The following PTPRO variants were observed in gnomAD, a reference collection of about 807,000 sequenced individuals.
PTPRO encodes the protein protein tyrosine phosphatase receptor type O, also known as receptor-type tyrosine-protein phosphatase O.
In PTPRO, 62 loss-of-function variants were observed where a neutral mutation model predicts 145.2. The ratio of observed to expected loss-of-function variants is 0.43; its 90% CI spans 0.35 to 0.53. PTPRO has a LOEUF of 0.53. Among genes scored for constraint, PTPRO ranks in the 20% least tolerant of loss-of-function variants. PTPRO has a pLI of 0.01. For synonymous variants in PTPRO, 565 were observed against 514.7 expected (o/e 1.10, Z -1.32); for missense variants, 1,345 against 1,482.7 (o/e 0.91, Z 1.53).
intron 16 of PTPRO, among the ~76,000 whole-genome samples, chr12:15,557,889 C>G (rs759091108): frequency 1.3e-5 from 2 of 152,132 alleles, no homozygotes; most frequent in South Asian, 2.1e-4. Flanking sequence ...TGCGACAGAT[C>G]GGCTTCTCCA....
At chr12:15,368,119 A>C (rs1938418561) in intron 1 of PTPRO, among the ~76,000 whole-genome samples, 1 of 151,896 alleles carries the variant, frequency 6.6e-6, no homozygotes, top group Admixed American at 6.6e-5. Context: ...CAGGGTCTGG[A>C]CTCCTCCGTG....
chr12:15,484,207 T>A lies in PTPRO; in HGVS notation c.309T>A (p.Asn103Lys), dbSNP rs770172269. The A allele has an allele frequency of 1.9e-6, 3 of 1,613,512 alleles. No homozygotes were observed. Among genetic ancestry groups the A allele is most frequent in the Non-Finnish European group, 8.5e-7 (1 of 1,179,640 alleles). Residue 103 changes from asparagine to lysine, a missense_variant, in exon 2 of 27, where the codon AAT becomes AAA. By Grantham distance (94) the Asn-to-Lys change is moderately conservative. Around this residue, in one of 3 missense-constraint regions of PTPRO, gnomAD observed 1,130 missense variants for 1,214.7 expected, o/e 0.93. Transcript: ENST00000281171. Reference sequence around the variant, plus strand: ...TCACTCTGGTAGTGGTAAATGGAAATGTGGTGACCAAGCCATCCAGATCAA... The same window carrying A: ...TCACTCTGGTAGTGGTAAATGGAAAAGTGGTGACCAAGCCATCCAGATCAA... ...YIITLVVVNG[N>K]VVTKPSRSIT...
Position 15,544,532 on chromosome 12 carries a change from A to G in PTPRO, c.2165-2037A>G, listed in dbSNP as rs145594993. ...AAAAAAAAAAAAAAAAAAAAAGATT[A>G]AAGGAAAAGGTAACGAGTTTTTAAA... is the stretch of plus-strand genomic sequence containing the variant. On this transcript the variant is annotated intron_variant, in intron 12 of 26. Transcript: ENST00000281171. Among the ~76,000 whole-genome samples, 202 of 148,128 alleles carry G rather than the reference A, an allele frequency of 1.4e-3. 1 individual carries two copies. In the East Asian group the frequency reaches 0.039, roughly 28 times the overall value.
intron 2 of PTPRO, among the ~76,000 whole-genome samples, chr12:15,485,645 T>G (rs887716172): frequency 6.6e-6 from 1 of 152,098 alleles, no homozygotes; most frequent in Admixed American, 6.6e-5. Flanking sequence ...TGATCCAACA[T>G]TTATGAGCAT....
intron 21 of PTPRO, 96 bp from the exon 22 acceptor site, chr12:15,580,601 C>T (rs1382979788): frequency 6.7e-7 from 1 of 1,488,168 alleles, no homozygotes; most frequent in African/African-American, 1.4e-5. Flanking sequence ...CCAATTTTAT[C>T]ACCAGTAAGT....
intron 10 of PTPRO, among the ~76,000 whole-genome samples, chr12:15,524,151 C>T (rs1392036431): frequency 2.0e-5 from 2 of 98,910 alleles, no homozygotes; most frequent in Non-Finnish European, 3.9e-5. Flanking sequence ...AATTTAGCTT[C>T]GTGGCTAAAA....
intron 1 of PTPRO, among the ~76,000 whole-genome samples, chr12:15,446,867 A>G (rs1030723040): frequency 4.6e-5 from 7 of 152,108 alleles, no homozygotes; most frequent in African/African-American, 1.7e-4. Context: ...GGAAAAGTCT[A>G]TTTTCAGTAG....
intron 19 of PTPRO, among the ~76,000 whole-genome samples, chr12:15,571,815 T>C (rs147525126): frequency 2.0e-5 from 3 of 152,052 alleles, no homozygotes; most frequent in Non-Finnish European, 4.4e-5. Flanking sequence ...TGGGCTCAAG[T>C]AGCAAAACCT....
chr12:15,401,426 C>T (rs1387468054), intron 1 of PTPRO, among the ~76,000 whole-genome samples: 5 of 152,146 alleles, frequency 3.3e-5, no homozygotes, highest in African/African-American at 1.2e-4. Flanking sequence ...TAACAATGAA[C>T]AGTAGTTGTG....
At chr12:15,476,763 C>T (rs1040490938) in intron 1 of PTPRO, among the ~76,000 whole-genome samples, 3 of 151,740 alleles carry the variant, frequency 2.0e-5, no homozygotes, top group South Asian at 2.1e-4. Flanking sequence ...CTCATCATCA[C>T]TGGCCATCAG....
intron 1 of PTPRO, among the ~76,000 whole-genome samples, chr12:15,424,276 A>T (rs962539602): frequency 6.6e-6 from 1 of 152,142 alleles, no homozygotes; most frequent in Non-Finnish European, 1.5e-5. Context: ...TTTCCACTGG[A>T]GTAAAAAGAT....
At chr12:15,452,021 C>G (rs1290046536) in intron 1 of PTPRO, among the ~76,000 whole-genome samples, 1 of 151,436 alleles carries the variant, frequency 6.6e-6, no homozygotes, top group Non-Finnish European at 1.5e-5. Context: ...GAAGTTGAAA[C>G]AAAAAAGCAT....
chr12:15,493,700 T>C (rs1942045610), intron 2 of PTPRO, among the ~76,000 whole-genome samples: 3 of 152,280 alleles, frequency 2.0e-5, no homozygotes, highest in Admixed American at 6.5e-5. Flanking sequence ...CTAATAGATA[T>C]GTAAATTGCC....
In PTPRO at chr12:15,549,372, T is replaced by A. The variant is rs377478478; in HGVS notation, c.2437+146T>A. Reference sequence around the variant, plus strand: ...AATCCCAAAGTGCACTTACTAGCTATGGAGTTAGAGAAAGACATTTGGTGC... The same window carrying A: ...AATCCCAAAGTGCACTTACTAGCTAAGGAGTTAGAGAAAGACATTTGGTGC... On this transcript the variant is annotated intron_variant, in intron 14 of 26. Transcript: ENST00000281171. The A allele has an allele frequency of 2.9e-4, 158 of 543,154 alleles. 2 individuals carry two copies. In the South Asian group the frequency reaches 8.0e-3, roughly 27 times the overall value. 33.6% of individuals were successfully genotyped at this position (543,154 alleles called of 1,614,324 possible).
chr12:15,406,718 A>C (rs965619149), intron 1 of PTPRO, among the ~76,000 whole-genome samples: 1 of 152,190 alleles, frequency 6.6e-6, no homozygotes, highest in African/African-American at 2.4e-5. Context: ...GCCCTGGTAG[A>C]ATTGTGCTTA....
chr12:15,581,913 CA>C, intron 23 of PTPRO, 112 bp downstream of exon 23: 1 of 1,387,466 alleles, frequency 7.2e-7, no homozygotes, highest in Non-Finnish European at 1.0e-6. Flanking sequence ...GACACACACA[CA>C]AAAATATCGA....
intron 1 of PTPRO, among the ~76,000 whole-genome samples, chr12:15,433,498 A>G (rs1008951366): frequency 9.2e-5 from 14 of 152,152 alleles, no homozygotes; most frequent in Non-Finnish European, 2.1e-4. Flanking sequence ...TAGGCTTTAC[A>G]TTTAAGTCTT....
chr12:15,506,585 G>A (rs1401466449), intron 6 of PTPRO, among the ~76,000 whole-genome samples: 1 of 152,164 alleles, frequency 6.6e-6, no homozygotes, highest in Non-Finnish European at 1.5e-5. Context: ...GAGGGTGGCA[G>A]GACAGAGAGA....
intron 1 of PTPRO, among the ~76,000 whole-genome samples, chr12:15,376,965 T>C (rs888523328): frequency 2.0e-5 from 3 of 152,186 alleles, no homozygotes; most frequent in African/African-American, 7.2e-5. Context: ...TCTTCTTTCA[T>C]ATGATTTAAA....
Sources: allele counts gnomAD v4.1 joint callset (sites outside exome capture counted in the v4.1 genomes callset), GRCh38; gene constraint gnomAD v4.1.1; regional missense constraint gnomAD v4.1.1; transcripts MANE v1.5; gene names NCBI Gene and HGNC (gene_info 2026-07-23, HGNC 2026-07-21).